APP: variants seen among roughly 807,000 people sequenced by gnomAD.
APP encodes the protein amyloid-beta precursor protein.
A neutral mutation model predicts 101.4 loss-of-function variants in APP; 31 were observed. The ratio of observed to expected loss-of-function variants is 0.31; its 90% CI spans 0.23 to 0.41. The LOEUF (loss-of-function observed/expected upper bound fraction) is 0.41, where lower values mean the gene tolerates loss of function less well. Ranked by LOEUF, APP falls within the 10% of genes least tolerant of loss-of-function variation. The pLI, the probability that APP is intolerant of heterozygous loss-of-function variation, is 1.00. For missense variants in APP, 839 were observed against 1,003.7 expected (o/e 0.84, Z 2.22); for synonymous variants, 366 against 364.4 (o/e 1.00, Z -0.05).
chr21:25,969,183 CA>C (rs61030033), intron 11 of APP, among the ~76,000 whole-genome samples: 317 of 134,216 alleles, frequency 2.4e-3, no homozygotes, highest in Middle Eastern at 3.8e-3. Context: ...ACTAAAAATA[CA>C]AAAAAAAAAA....
At chr21:26,027,315 AAATAC>A (rs1337268277) in intron 5 of APP, among the ~76,000 whole-genome samples, 1 of 152,196 alleles carries the variant, frequency 6.6e-6, no homozygotes, top group Non-Finnish European at 1.5e-5. Context: ...AAGAGAGAGA[AAATAC>A]AGTAGTTTTT....
intron 8 of APP, among the ~76,000 whole-genome samples, chr21:25,992,709 C>T (rs1601140237): frequency 6.6e-6 from 1 of 152,158 alleles, no homozygotes; most frequent in East Asian, 1.9e-4. Context: ...GCTTTTCACA[C>T]TTGTTAATCT....
chr21:25,886,399 A>AT lies in APP; in HGVS notation c.2212-4629dup, dbSNP rs113643516. Among the ~76,000 whole-genome samples, 676 of 143,942 alleles carry AT rather than the reference A, an allele frequency of 4.7e-3. 3 individuals are homozygous for AT. The highest frequency in any genetic ancestry group is 7.4e-3 in the African/African-American group (290 of 39,432). The allele number at this position is 143,942 out of a possible 152,430, so 94.4% of individuals were successfully genotyped here. ...GGAACTCCTTTGCTATCCCTTCATA[A>AT]TTTTTTTTTTTTTTAAGACAGTCTT... On this transcript the variant is annotated intron_variant, in intron 17 of 17. Transcript: ENST00000346798.
chr21:26,114,000 T>C (rs2062382860), intron 1 of APP, among the ~76,000 whole-genome samples: 1 of 152,212 alleles, frequency 6.6e-6, no homozygotes, highest in Non-Finnish European at 1.5e-5. Flanking sequence ...TCGCCATTGT[T>C]CCCACAGTAC....
chr21:25,964,712 T>TGCCTCAGCCTCCCGAGTA (rs2041722757), intron 11 of APP, among the ~76,000 whole-genome samples: 2 of 151,622 alleles, frequency 1.3e-5, no homozygotes, highest in Non-Finnish European at 2.9e-5. Flanking sequence ...GCGATTCTCC[T>TGCCTCAGCCTCCCGAGTA]GCCTCAGCCT....
chr21:26,002,159 C>T (rs2043323824), intron 6 of APP, among the ~76,000 whole-genome samples: 1 of 152,208 alleles, frequency 6.6e-6, no homozygotes, highest in African/African-American at 2.4e-5. Flanking sequence ...ACGTTTCCAT[C>T]TGAAAACCAC....
chr21:26,117,251 G>T (rs2062455651), intron 1 of APP, among the ~76,000 whole-genome samples: 1 of 152,148 alleles, frequency 6.6e-6, no homozygotes, highest in African/African-American at 2.4e-5. Context: ...CTTAACCTGG[G>T]CATAATTCAA....
intron 1 of APP, among the ~76,000 whole-genome samples, chr21:26,148,964 T>G (rs1460114693): frequency 6.6e-6 from 1 of 152,188 alleles, no homozygotes; most frequent in African/African-American, 2.4e-5. Flanking sequence ...GACTCCAACA[T>G]CCACACTCAG....
At chr21:26,120,819 T>C (rs2062549191) in intron 1 of APP, among the ~76,000 whole-genome samples, 2 of 152,362 alleles carry the variant, frequency 1.3e-5, no homozygotes, top group African/African-American at 4.8e-5. Flanking sequence ...TTCCTGCTCA[T>C]ACCTCACATG....
At chr21:26,025,960 A>G (rs912721446) in intron 5 of APP, among the ~76,000 whole-genome samples, 1 of 152,218 alleles carries the variant, frequency 6.6e-6, no homozygotes, top group African/African-American at 2.4e-5. Context: ...CAACATTACA[A>G]CTTTTAACTG....
chr21:25,947,336 G>C (rs925460335), intron 13 of APP, among the ~76,000 whole-genome samples: 4 of 151,850 alleles, frequency 2.6e-5, no homozygotes, highest in African/African-American at 9.7e-5. Context: ...GACACCTGCA[G>C]GTCTGTAACC....
intron 2 of APP, among the ~76,000 whole-genome samples, chr21:26,091,349 A>G (rs2146116977): frequency 6.6e-6 from 1 of 152,318 alleles, no homozygotes; most frequent in Admixed American, 6.5e-5. Flanking sequence ...GTGAGGTGGT[A>G]ATAAGTAGTA....
chr21:26,105,347 A>G (rs2062157517), intron 2 of APP, among the ~76,000 whole-genome samples: 1 of 152,210 alleles, frequency 6.6e-6, no homozygotes, highest in Non-Finnish European at 1.5e-5. Context: ...GACAGACCCT[A>G]TGAATGAGAA....
chr21:25,894,313 CA>C, intron 16 of APP, among the ~76,000 whole-genome samples: 1 of 152,176 alleles, frequency 6.6e-6, no homozygotes, highest in East Asian at 1.9e-4. Flanking sequence ...CTTATTATTT[CA>C]AAATATATTT....
intron 1 of APP, among the ~76,000 whole-genome samples, chr21:26,127,050 C>A (rs2062700171): frequency 6.6e-6 from 1 of 151,962 alleles, no homozygotes. Flanking sequence ...AAGATAACCC[C>A]TTCAACTCAA....
At chr21:26,044,102 T>C (rs2045498379) in intron 5 of APP, among the ~76,000 whole-genome samples, 1 of 152,228 alleles carries the variant, frequency 6.6e-6, no homozygotes, top group Admixed American at 6.5e-5. Context: ...AGGGAAATTA[T>C]CACATTTTTA....
rs538902741 is a variant in APP, at chr21:26,152,201, C to G, written c.57+18363G>C. Among the ~76,000 whole-genome samples the G allele has an allele frequency of 2.0e-5, 3 of 146,832 alleles. No homozygotes were observed. In the East Asian group the frequency reaches 6.3e-4, roughly 31 times the overall value. On this transcript the variant is annotated intron_variant, in intron 1 of 17. Transcript: ENST00000346798. ...TCGGGAGGCTGAGGCGGGAGAATGGCGTGAACCCGGGAGGCGGAGCTTGCA... is the reference window on the plus strand; with the variant it reads ...TCGGGAGGCTGAGGCGGGAGAATGGGGTGAACCCGGGAGGCGGAGCTTGCA...
chr21:26,017,482 C>T (rs577090543), intron 6 of APP, among the ~76,000 whole-genome samples: 1 of 150,316 alleles, frequency 6.7e-6, no homozygotes, highest in South Asian at 2.1e-4. Context: ...ATATCTGCAA[C>T]AAAGGCTTCA....
At chr21:26,071,005 T>C (rs1465077669) in intron 3 of APP, among the ~76,000 whole-genome samples, 1 of 152,138 alleles carries the variant, frequency 6.6e-6, no homozygotes, top group Non-Finnish European at 1.5e-5. Context: ...CGTCTGTTCC[T>C]TCCAGGCAGA....
Sources: allele counts gnomAD v4.1 joint callset (sites outside exome capture counted in the v4.1 genomes callset), GRCh38; gene constraint gnomAD v4.1.1; transcripts MANE v1.5; gene names NCBI Gene and HGNC (gene_info 2026-07-23, HGNC 2026-07-21).